Variants in KLHL4 observed in about 807,000 individuals in gnomAD.
The protein encoded by KLHL4 is kelch-like protein 4.
In KLHL4, 17 loss-of-function variants were observed where a neutral mutation model predicts 45.8. The observed-to-expected ratio is 0.37, with a 90% CI of 0.25 to 0.56. The LOEUF (loss-of-function observed/expected upper bound fraction) is 0.56, where lower values mean the gene tolerates loss of function less well. Ranked by LOEUF, KLHL4 falls within the 20% of genes least tolerant of loss-of-function variation. The probability of loss-of-function intolerance (pLI) is 0.79; values close to 1 mark genes in which losing one functional copy is unlikely to be tolerated. For missense variants in KLHL4, 544 were observed against 544.9 expected (o/e 1.00, Z 0.02); for synonymous variants, 224 against 189.9 (o/e 1.18, Z -1.47).
chrX:87,574,864 G>A (rs1921045938), intron 1 of KLHL4, among the ~76,000 whole-genome samples: 1 of 111,793 alleles, frequency 8.9e-6, no homozygotes, highest in Non-Finnish European at 1.9e-5. Context: ...GAAATAACAT[G>A]TGTGCCACTG....
At chrX:87,585,334 A>G (rs1015436905) in intron 1 of KLHL4, among the ~76,000 whole-genome samples, 1 of 111,612 alleles carries the variant, frequency 9.0e-6, no homozygotes, top group Non-Finnish European at 1.9e-5. Context: ...AAAAAGAAAA[A>G]CACAGAATAT....
At chrX:87,552,181 G>C (rs1369744742) in intron 1 of KLHL4, among the ~76,000 whole-genome samples, 1 of 110,414 alleles carries the variant, frequency 9.1e-6, no homozygotes, top group Non-Finnish European at 1.9e-5. Context: ...TCTACAACAA[G>C]CTCAAACAAA....
chrX:87,563,606 C>T (rs867452075), intron 1 of KLHL4, among the ~76,000 whole-genome samples: 4 of 60,272 alleles, frequency 6.6e-5, no homozygotes, highest in Admixed American at 5.3e-4. Context: ...CCAAAGGAGA[C>T]AAAAAAAAAA....
intron 1 of KLHL4, among the ~76,000 whole-genome samples, chrX:87,582,901 G>A (rs1031846811): frequency 5.4e-5 from 6 of 111,777 alleles, no homozygotes; most frequent in African/African-American, 1.6e-4. Context: ...ACTGCTGGCT[G>A]GGGTGGCCAG....
chrX:87,609,360 G>T (rs1257726929), intron 1 of KLHL4, among the ~76,000 whole-genome samples: 1 of 111,962 alleles, frequency 8.9e-6, no homozygotes, highest in Non-Finnish European at 1.9e-5. Flanking sequence ...GGTTGAACTA[G>T]TTTACAGTCC....
chrX:87,663,302 G>T (rs1388202225), intron 9 of KLHL4, among the ~76,000 whole-genome samples: 1 of 111,778 alleles, frequency 8.9e-6, no homozygotes, highest in Non-Finnish European at 1.9e-5. Context: ...AAAAGCAAAA[G>T]AGAAACAAGA....
chrX:87,646,731 T>C (rs1923649523), intron 9 of KLHL4, among the ~76,000 whole-genome samples: 1 of 111,572 alleles, frequency 9.0e-6, no homozygotes, highest in African/African-American at 3.3e-5. Flanking sequence ...TCTAACCCTA[T>C]AGAAAAATCA....
intron 9 of KLHL4, among the ~76,000 whole-genome samples, chrX:87,646,806 A>T (rs776243732): frequency 8.9e-6 from 1 of 111,920 alleles, no homozygotes; most frequent in Non-Finnish European, 1.9e-5. Context: ...TCTAGATGGT[A>T]CATTGCAAAA....
Position 87,574,742 on chromosome X carries a change from A to G in KLHL4, c.423-39135A>G, listed in dbSNP as rs201708822. ...AGAGGCTTCATGGTATGGAAGTACT[A>G]TACTGGATTTGAAGTGAGAAGAACT... On this transcript the variant is annotated intron_variant, in intron 1 of 10. Transcript: ENST00000373119. Among the ~76,000 whole-genome samples, 3 of 111,761 alleles carry G rather than the reference A, an allele frequency of 2.7e-5. No individual in the cohort carries two copies. The East Asian group carries it at 8.5e-4, about 31-fold the overall frequency.
chrX:87,640,185 T>C (rs1171486563), intron 9 of KLHL4, among the ~76,000 whole-genome samples: 2 of 110,367 alleles, frequency 1.8e-5, no homozygotes, highest in East Asian at 2.9e-4. Context: ...AGAAGCAAGA[T>C]TGAAACAGTA....
chrX:87,635,535 A>T, intron 8 of KLHL4, 28 bp from the exon 9 acceptor site: 1 of 1,130,976 alleles, frequency 8.8e-7, no homozygotes, highest in South Asian at 1.8e-5. Flanking sequence ...ACACATATAC[A>T]TACACACAAT....
At chrX:87,551,549 C>T (rs1328012478) in intron 1 of KLHL4, among the ~76,000 whole-genome samples, 1 of 89,827 alleles carries the variant, frequency 1.1e-5, no homozygotes, top group Non-Finnish European at 2.2e-5. Context: ...CAAAGCAAGG[C>T]TAAGCATAGA....
chrX:87,541,490 C>CAAAAAAAAA lies in KLHL4; in HGVS notation c.422+23176_422+23177insAAAAAAAAA, dbSNP rs1491259195. Among the ~76,000 whole-genome samples, 4 of 63,926 alleles carry CAAAAAAAAA rather than the reference C, an allele frequency of 6.3e-5. 1 individual carries two copies. Among genetic ancestry groups the CAAAAAAAAA allele is most frequent in the African/African-American group, 6.4e-5 (1 of 15,697 alleles). The allele number at this position is 63,926 out of a possible 115,157, so 55.5% of individuals were successfully genotyped here. A position where few individuals can be genotyped will look rare whatever the true frequency, so the allele number is the denominator to read the frequency against. ...TGGGTGACAGAGAGAGACTCCATCT[C>CAAAAAAAAA]ACAAAAAAAAAAAAAAAAAAAAAAG... is the stretch of plus-strand genomic sequence containing the variant. On this transcript the variant is annotated intron_variant, in intron 1 of 10. Transcript: ENST00000373119.
intron 1 of KLHL4, among the ~76,000 whole-genome samples, chrX:87,575,432 T>C (rs764894083): frequency 9.0e-6 from 1 of 111,678 alleles, no homozygotes; most frequent in East Asian, 2.8e-4. Flanking sequence ...CCCCCATCCA[T>C]GGAAAAATTG....
Position 87,632,361 on chromosome X carries a change from A to G in KLHL4, c.1476A>G (p.Thr492=). 1.7e-6 allele frequency: 2 copies of G among 1,211,086 alleles called. No individual in the cohort carries two copies. The highest frequency in any genetic ancestry group is 2.2e-6 in the Non-Finnish European group (2 of 894,899). The change falls in exon 7 of 11, where the codon ACA becomes ACG. Residue 492 remains threonine, a synonymous_variant. Transcript: ENST00000373119. ...GAGACGGTTTAAAAACTTTGAATAC[A>G]GTGGAATGTTTTAATCCAGTTGGCA... ...GGRDGLKTLN[T]VECFNPVGKI...
Position 87,630,443 on chromosome X carries a change from A to G in KLHL4, c.1325-1767A>G, listed in dbSNP as rs751639934. Among the ~76,000 whole-genome samples, 259 of 110,983 alleles carry G rather than the reference A, an allele frequency of 2.3e-3. 1 individual carries two copies. The highest frequency in any genetic ancestry group is 0.023 in the Middle Eastern group (5 of 215). ...CAATGTGCAGGTTTGTTACATATGT[A>G]TACATGTGCCATGTTGGTGTGCTGC... On this transcript the variant is annotated intron_variant, in intron 6 of 10. Transcript: ENST00000373119.
chrX:87,630,256 A>G (rs1180656026), intron 6 of KLHL4, among the ~76,000 whole-genome samples: 1 of 111,438 alleles, frequency 9.0e-6, no homozygotes, highest in East Asian at 2.8e-4. Context: ...AATGAACTGC[A>G]TTTTCTTCAC....
chrX:87,540,726 GA>G (rs1191433648), intron 1 of KLHL4, among the ~76,000 whole-genome samples: 7 of 110,870 alleles, frequency 6.3e-5, no homozygotes, highest in Admixed American at 4.8e-4. Context: ...TAAGTAGAAG[GA>G]ATAAAGGAAT....
intron 1 of KLHL4, among the ~76,000 whole-genome samples, chrX:87,545,120 A>G (rs1931645486): frequency 8.9e-6 from 1 of 112,836 alleles, no homozygotes; most frequent in South Asian, 3.6e-4. Flanking sequence ...ATTAAAAAGA[A>G]TCAGCATAAA....
Sources: gnomAD v4.1 joint callset for allele counts (sites outside exome capture counted in the v4.1 genomes callset) on GRCh38, gnomAD v4.1.1 for gene constraint, MANE v1.5 for transcripts, NCBI Gene and HGNC (gene_info 2026-07-23, HGNC 2026-07-21) for gene names.